KLHL29: variants seen among roughly 807,000 people sequenced by gnomAD.
KLHL29 encodes kelch-like protein 29.
In KLHL29, 21 loss-of-function variants were observed where a neutral mutation model predicts 80.4. The observed-to-expected ratio is 0.26, with a 90% CI of 0.19 to 0.38. KLHL29 has a LOEUF of 0.38. Ranked by LOEUF, KLHL29 falls within the 10% of genes least tolerant of loss-of-function variation. The pLI, the probability that KLHL29 is intolerant of heterozygous loss-of-function variation, is 1.00. For synonymous variants in KLHL29, 511 were observed against 526.8 expected (o/e 0.97, Z 0.41); for missense variants, 867 against 1,223.9 (o/e 0.71, Z 4.35).
intron 5 of KLHL29, among the ~76,000 whole-genome samples, chr2:23,674,998 C>G (rs1489499714): frequency 6.6e-6 from 1 of 152,116 alleles, no homozygotes; most frequent in Non-Finnish European, 1.5e-5. Flanking sequence ...ATGTTTAATT[C>G]CCCACACAAA....
At chr2:23,611,685 C>A (rs932792629) in intron 3 of KLHL29, among the ~76,000 whole-genome samples, 2 of 152,044 alleles carry the variant, frequency 1.3e-5, no homozygotes, top group African/African-American at 4.8e-5. Flanking sequence ...TAGAAAGACC[C>A]ATAGGGGTTC....
chr2:23,517,414 G>T (rs1038269193), intron 2 of KLHL29, among the ~76,000 whole-genome samples: 19 of 152,134 alleles, frequency 1.2e-4, no homozygotes, highest in African/African-American at 3.6e-4. Context: ...CTGGTGGCAC[G>T]CACCTGTAGT....
chr2:23,606,274 C>T (rs1023130521), intron 3 of KLHL29, among the ~76,000 whole-genome samples: 3 of 151,790 alleles, frequency 2.0e-5, no homozygotes, highest in Non-Finnish European at 2.9e-5. Flanking sequence ...GATTCCAGAA[C>T]GTTCCCGGGC....
At chr2:23,390,566 A>G (rs1249910486) in intron 1 of KLHL29, among the ~76,000 whole-genome samples, 2 of 152,022 alleles carry the variant, frequency 1.3e-5, no homozygotes, top group Non-Finnish European at 2.9e-5. Context: ...ACACATACAT[A>G]TATATAGTTA....
At chr2:23,620,460 T>A (rs1248898411) in intron 3 of KLHL29, among the ~76,000 whole-genome samples, 1 of 151,990 alleles carries the variant, frequency 6.6e-6, no homozygotes, top group African/African-American at 2.4e-5. Context: ...AGGAAATATT[T>A]AGGAGGGCAT....
intron 6 of KLHL29, chr2:23,691,367 T>C (rs1671589697): frequency 2.4e-6 from 1 of 419,128 alleles, no homozygotes; most frequent in Admixed American, 3.8e-5. Context: ...AACCGTATTG[T>C]TTCCCTTTGA....
At chr2:23,590,124 C>G (rs1295074433) in intron 3 of KLHL29, among the ~76,000 whole-genome samples, 2 of 152,240 alleles carry the variant, frequency 1.3e-5, no homozygotes, top group Non-Finnish European at 2.9e-5. Context: ...CGTTCAAGGT[C>G]ACACAGCATC....
rs187704452 is a variant in KLHL29 at position 23,442,060 on chromosome 2, G to C, written c.-153-33500G>C. On this transcript the variant is annotated intron_variant, in intron 1 of 13. Transcript: ENST00000486442. ...CTCTTGAGGTGGAGAAGCTATCTTG[G>C]GTTATGTGGTGGGCTCAGTGTAATC... Among the ~76,000 whole-genome samples, 5 of 152,164 alleles carry C rather than the reference G, an allele frequency of 3.3e-5. No homozygotes were observed. In the East Asian group the frequency reaches 9.7e-4, roughly 29 times the overall value.
chr2:23,512,820 G>A (rs905497302), intron 2 of KLHL29, among the ~76,000 whole-genome samples: 14 of 152,248 alleles, frequency 9.2e-5, no homozygotes, highest in Admixed American at 9.2e-4. Context: ...GCTGTCTGTT[G>A]GTTAAAGGGT....
rs1666154422 is a variant in KLHL29, at chr2:23,385,657, G to C, written c.-277G>C. 1 of 165,990 alleles carries C rather than the reference G, an allele frequency of 6.0e-6. No individual in the cohort carries two copies. Among genetic ancestry groups the C allele is most frequent in the Non-Finnish European group, 1.5e-5 (1 of 68,018 alleles). The allele number at this position is 165,990 out of a possible 1,614,324, so 10.3% of individuals were successfully genotyped here. A position where few individuals can be genotyped will look rare whatever the true frequency, so the allele number is the denominator to read the frequency against. ...GACCTGGATCCGTTTCCTCCGGCCAGGACCCGAGCGGCCCCAGCCACCGCT... is the reference window on the plus strand; with the variant it reads ...GACCTGGATCCGTTTCCTCCGGCCACGACCCGAGCGGCCCCAGCCACCGCT... On this transcript the variant is annotated 5_prime_UTR_variant, in exon 1 of 14. Coordinates refer to ENST00000486442, the MANE Select transcript of KLHL29 (RefSeq NM_052920.2).
intron 2 of KLHL29, among the ~76,000 whole-genome samples, chr2:23,552,086 C>T (rs1220308855): frequency 1.3e-5 from 2 of 152,240 alleles, no homozygotes; most frequent in Non-Finnish European, 2.9e-5. Context: ...CCCCTCTGAG[C>T]AAAGGCTGAA....
At chr2:23,601,126 G>A (rs918999544) in intron 3 of KLHL29, among the ~76,000 whole-genome samples, 1 of 152,086 alleles carries the variant, frequency 6.6e-6, no homozygotes, top group Non-Finnish European at 1.5e-5. Context: ...CCAAGTTTGC[G>A]CTCCTGGCCA....
At chr2:23,652,867 G>A (rs959137324) in intron 5 of KLHL29, among the ~76,000 whole-genome samples, 1 of 152,220 alleles carries the variant, frequency 6.6e-6, no homozygotes, top group South Asian at 2.1e-4. Flanking sequence ...TATCAGGATC[G>A]AGATTGTTGG....
At chr2:23,424,848 A>G (rs1391453689) in intron 1 of KLHL29, among the ~76,000 whole-genome samples, 2 of 152,236 alleles carry the variant, frequency 1.3e-5, no homozygotes, top group East Asian at 1.9e-4. Context: ...AAAACACTGC[A>G]GTTGATTTTC....
At chr2:23,694,293 T>C (rs1449609888) in intron 8 of KLHL29, among the ~76,000 whole-genome samples, 1 of 152,190 alleles carries the variant, frequency 6.6e-6, no homozygotes, top group Non-Finnish European at 1.5e-5. Context: ...ACTTCTCCCA[T>C]AGCCATTTCG....
chr2:23,454,495 G>A (rs1399573783), intron 1 of KLHL29, among the ~76,000 whole-genome samples: 1 of 152,126 alleles, frequency 6.6e-6, no homozygotes, highest in East Asian at 1.9e-4. Flanking sequence ...ATTTAAATCT[G>A]TCTATAAATT....
chr2:23,487,988 C>T (rs1363209133), intron 2 of KLHL29, among the ~76,000 whole-genome samples: 1 of 152,172 alleles, frequency 6.6e-6, no homozygotes, highest in Non-Finnish European at 1.5e-5. Flanking sequence ...CCCCTTCTAG[C>T]CTTTTAACCT....
intron 5 of KLHL29, among the ~76,000 whole-genome samples, chr2:23,644,784 G>T (rs1037333751): frequency 6.6e-6 from 1 of 152,258 alleles, no homozygotes; most frequent in Non-Finnish European, 1.5e-5. Flanking sequence ...AGAAATAGGG[G>T]CCCTGCTAAG....
At chr2:23,621,459 A>G (rs918121908) in intron 3 of KLHL29, among the ~76,000 whole-genome samples, 4 of 152,000 alleles carry the variant, frequency 2.6e-5, no homozygotes, top group Non-Finnish European at 5.9e-5. Flanking sequence ...GCACCTAGGA[A>G]GAAAAAAGGA....
Sources: gnomAD v4.1 joint callset for allele counts (sites outside exome capture counted in the v4.1 genomes callset) on GRCh38, gnomAD v4.1.1 for gene constraint, MANE v1.5 for transcripts, NCBI Gene and HGNC (gene_info 2026-07-23, HGNC 2026-07-21) for gene names.